ECT2L: variants seen among roughly 807,000 people sequenced by gnomAD.
ECT2L encodes the protein epithelial cell-transforming sequence 2 oncogene-like.
A neutral mutation model predicts 122.8 loss-of-function variants in ECT2L; 126 were observed. The ratio of observed to expected loss-of-function variants is 1.03; its 90% CI spans 0.89 to 1.19. ECT2L has a LOEUF of 1.19. Among genes scored for constraint, ECT2L ranks in the 50% most tolerant of loss-of-function variants. The pLI is 0.00. For synonymous variants in ECT2L, 385 were observed against 381.8 expected (o/e 1.01, Z -0.10); for missense variants, 1,012 against 1,064.1 (o/e 0.95, Z 0.68).
At chr6:138,818,973 A>G (rs1436792417) in intron 4 of ECT2L, among the ~76,000 whole-genome samples, 1 of 152,140 alleles carries the variant, frequency 6.6e-6, no homozygotes, top group Non-Finnish European at 1.5e-5. Context: ...CAGAAGCTTG[A>G]CTAAAGTTTG....
chr6:138,875,575 G>A (rs1024249978), intron 13 of ECT2L, among the ~76,000 whole-genome samples: 1 of 152,212 alleles, frequency 6.6e-6, no homozygotes, highest in African/African-American at 2.4e-5. Context: ...AGGGGTGGGG[G>A]TGGAGGGCTT....
At chr6:138,838,143 C>T (rs1776908341) in intron 4 of ECT2L, among the ~76,000 whole-genome samples, 1 of 152,172 alleles carries the variant, frequency 6.6e-6, no homozygotes, top group Non-Finnish European at 1.5e-5. Context: ...CTCAAGTGAT[C>T]CACCCACCTT....
At chr6:138,805,322 T>C (rs1232883207) in intron 1 of ECT2L, among the ~76,000 whole-genome samples, 1 of 152,182 alleles carries the variant, frequency 6.6e-6, no homozygotes, top group Admixed American at 6.5e-5. Context: ...TTTTTTCCAG[T>C]TGGGTCAAGT....
At chr6:138,837,859 G>T (rs187765739) in intron 4 of ECT2L, among the ~76,000 whole-genome samples, 4 of 150,006 alleles carry the variant, frequency 2.7e-5, no homozygotes, top group Admixed American at 2.0e-4. Flanking sequence ...AGATATTCTT[G>T]TTCTTTGTCT....
chr6:138,901,972 G>T (rs17068020), intron 21 of ECT2L, among the ~76,000 whole-genome samples: 21,393 of 152,188 alleles, frequency 0.14, 1,785 homozygotes, highest in South Asian at 0.35. Flanking sequence ...GGTTAAAAAG[G>T]CTTAATTAAC....
At chr6:138,866,329 T>G (rs1225564724) in intron 12 of ECT2L, among the ~76,000 whole-genome samples, 1 of 152,110 alleles carries the variant, frequency 6.6e-6, no homozygotes, top group African/African-American at 2.4e-5. Flanking sequence ...TATTTTATTT[T>G]TATTTTTTAG....
intron 10 of ECT2L, among the ~76,000 whole-genome samples, chr6:138,858,697 CTTTTTTTTTTT>C (rs35946003): frequency 1.5e-4 from 9 of 59,324 alleles, no homozygotes; most frequent in Admixed American, 1.3e-3. Flanking sequence ...TAGAATTTTC[CTTTTTTTTTTT>C]TTTTTTTTTT....
Position 138,896,091 on chromosome 6 carries a change from A to AGTTTTTTTTT in ECT2L, c.2415-4857_2415-4856insGTTTTTTTTT, listed in dbSNP as rs1255944186. On this transcript the variant is annotated intron_variant, in intron 20 of 21. Coordinates refer to ENST00000541398, the MANE Select transcript of ECT2L (RefSeq NM_001077706.3). ...TCATAAACACTGATTTTCATTGCTG[A>AGTTTTTTTTT]ATTTTTTTTTTTTTTTCCTTAATGA... 3.0e-4 allele frequency among the ~76,000 whole-genome samples: 42 copies of AGTTTTTTTTT among 141,950 alleles called. 2 individuals carry two copies. The highest frequency in any genetic ancestry group is 1.0e-3 in the African/African-American group (36 of 36,150). The allele number at this position is 141,950 out of a possible 152,430, so 93.1% of individuals were successfully genotyped here.
intron 16 of ECT2L, among the ~76,000 whole-genome samples, chr6:138,884,660 AT>A (rs535760037): frequency 1.3e-3 from 194 of 152,268 alleles, no homozygotes; most frequent in Non-Finnish European, 2.3e-3. Context: ...AACAAAAAAA[AT>A]ATATTAAGTA....
At chr6:138,878,204 G>A (rs1218846833) in intron 14 of ECT2L, among the ~76,000 whole-genome samples, 1 of 151,982 alleles carries the variant, frequency 6.6e-6, no homozygotes, top group East Asian at 1.9e-4. Flanking sequence ...AGGTATGTAC[G>A]AAAACGTTAT....
At chr6:138,840,730 T>C (rs1180636984) in intron 5 of ECT2L, among the ~76,000 whole-genome samples, 2 of 152,134 alleles carry the variant, frequency 1.3e-5, no homozygotes, top group African/African-American at 2.4e-5. Flanking sequence ...AGTAATGTTA[T>C]TGTGATATAC....
At chr6:138,864,820 G>A (rs900937341) in intron 11 of ECT2L, among the ~76,000 whole-genome samples, 176 bp from the exon 12 acceptor site, 5 of 151,926 alleles carry the variant, frequency 3.3e-5, no homozygotes, top group Admixed American at 6.6e-5. Flanking sequence ...AATCCTTTTC[G>A]AGTTTCTAAT....
Position 138,819,755 on chromosome 6 carries a change from C to A in ECT2L, c.179+5152C>A, listed in dbSNP as rs1010846048. The stretch of plus-strand genomic sequence containing the variant: ...AAAAAAAATTAGCCGGGCGTGGTGG[C>A]GGGCACCTCTAATCCCAGCTATTCG... On this transcript the variant is annotated intron_variant, in intron 4 of 21. Transcript: ENST00000541398. Among the ~76,000 whole-genome samples the A allele has an allele frequency of 2.0e-5, 3 of 151,878 alleles. No homozygotes were observed. The East Asian group carries it at 5.8e-4, about 29-fold the overall frequency.
At chr6:138,823,277 A>G in intron 4 of ECT2L, 4 of 1,574,048 alleles carry the variant, frequency 2.5e-6, no homozygotes, top group Middle Eastern at 1.7e-4. Flanking sequence ...TTTTTTATAC[A>G]GTAAATGACA....
chr6:138,810,769 G>A (rs1030245657), intron 1 of ECT2L, among the ~76,000 whole-genome samples: 1 of 152,118 alleles, frequency 6.6e-6, no homozygotes, highest in Admixed American at 6.5e-5. Flanking sequence ...TATTTACACA[G>A]GCAAGGACCA....
intron 10 of ECT2L, among the ~76,000 whole-genome samples, chr6:138,860,562 T>C (rs1777789747): frequency 1.3e-5 from 2 of 152,210 alleles, no homozygotes; most frequent in Non-Finnish European, 2.9e-5. Context: ...TCATCCTGTT[T>C]CATGCAGTAA....
chr6:138,845,114 A>T (rs1777176502), intron 7 of ECT2L, among the ~76,000 whole-genome samples: 1 of 152,206 alleles, frequency 6.6e-6, no homozygotes, highest in South Asian at 2.1e-4. Flanking sequence ...TAATAGAGAA[A>T]CATCGGCTGT....
intron 1 of ECT2L, among the ~76,000 whole-genome samples, chr6:138,802,023 G>A (rs199503313): frequency 1.3e-5 from 2 of 152,148 alleles, no homozygotes; most frequent in Admixed American, 6.5e-5. Flanking sequence ...CTGAGGTTAC[G>A]CCACACAAGG....
At chr6:138,846,756 G>A (rs1221062743) in intron 8 of ECT2L, 79 bp downstream of exon 8, 19 of 1,329,894 alleles carry the variant, frequency 1.4e-5, no homozygotes, top group Admixed American at 8.5e-5. Flanking sequence ...TAGAGGGTGT[G>A]TGACAAGCTT....
Sources: gnomAD v4.1 joint callset for allele counts (sites outside exome capture counted in the v4.1 genomes callset) on GRCh38, gnomAD v4.1.1 for gene constraint, MANE v1.5 for transcripts, NCBI Gene and HGNC (gene_info 2026-07-23, HGNC 2026-07-21) for gene names.